HTRA3: variants seen among roughly 807,000 people sequenced by gnomAD.
The protein encoded by HTRA3 is serine protease HTRA3.
HTRA3 carries 41 observed loss-of-function variants against 43.2 expected under a neutral mutation model. That is an observed-to-expected ratio of 0.95 (90% CI 0.74 to 1.23). HTRA3 has a LOEUF of 1.23. Among genes scored for constraint, HTRA3 ranks in the 50% most tolerant of loss-of-function variants. The probability of loss-of-function intolerance (pLI) is 0.00; values close to 1 mark genes in which losing one functional copy is unlikely to be tolerated. For synonymous variants in HTRA3, 295 were observed against 287.9 expected (o/e 1.02, Z -0.25); for missense variants, 628 against 647.1 (o/e 0.97, Z 0.32).
chr4:8,300,046 G>A (rs913227474), intron 6 of HTRA3, among the ~76,000 whole-genome samples: 2 of 152,116 alleles, frequency 1.3e-5, no homozygotes, highest in South Asian at 2.1e-4. Flanking sequence ...CACCATGTTG[G>A]CCAGGCTGGT....
chr4:8,302,571 C>G (rs376527577), intron 7 of HTRA3, 60 bp downstream of exon 7: 15 of 1,537,254 alleles, frequency 9.8e-6, no homozygotes, highest in Non-Finnish European at 1.4e-5. Context: ...CACCCTGACC[C>G]TCCCTCCAGA....
At chr4:8,289,481 C>A (rs1713139634) in intron 3 of HTRA3, among the ~76,000 whole-genome samples, 1 of 152,218 alleles carries the variant, frequency 6.6e-6, no homozygotes, top group South Asian at 2.1e-4. Context: ...GAGAGCGAGA[C>A]TAGGGGCAGG....
At chr4:8,292,466 C>T (rs1218652513) in intron 5 of HTRA3, 113 bp downstream of exon 5, 1 of 924,488 alleles carries the variant, frequency 1.1e-6, no homozygotes, top group Non-Finnish European at 1.7e-6. Flanking sequence ...ACATTTACAC[C>T]AACAGTCGGG....
At position 8,275,374 on chromosome 4, in the gene HTRA3, T is replaced by G. The variant is rs540572480; in HGVS notation, c.385+5021T>G. Among the ~76,000 whole-genome samples the G allele has an allele frequency of 7.2e-5, 11 of 152,302 alleles. No individual in the cohort carries two copies. In the South Asian group the frequency reaches 2.3e-3, roughly 32 times the overall value. On this transcript the variant is annotated intron_variant, in intron 1 of 8. Transcript: ENST00000307358. ...GCCATGGCTCCCACGGCCTCAGGACTAAGCATAGCCTCCTGGCAGGCTCGC... is the reference window on the plus strand; with the variant it reads ...GCCATGGCTCCCACGGCCTCAGGACGAAGCATAGCCTCCTGGCAGGCTCGC...
In HTRA3 at chr4:8,295,035, C is replaced by T. The variant is rs1467514960; in HGVS notation, c.1051+834C>T. Among the ~76,000 whole-genome samples the T allele has an allele frequency of 6.6e-6, 1 of 151,942 alleles. No homozygotes were observed. ...CCACTCATCCACCCACCTATCCACC[C>T]ATTCACCCACCTGGCCACCATTTCT... On this transcript the variant is annotated intron_variant, in intron 6 of 8. Transcript: ENST00000307358. This position sits in a 1 kb window ranked among gnomAD's most constrained non-coding sequence, Gnocchi z 6.9.
At chr4:8,274,508 G>A (rs1006943297) in intron 1 of HTRA3, among the ~76,000 whole-genome samples, 8 of 152,236 alleles carry the variant, frequency 5.3e-5, no homozygotes, top group Non-Finnish European at 8.8e-5. Flanking sequence ...TAGATGACAC[G>A]AAATGAGACG....
intron 6 of HTRA3, among the ~76,000 whole-genome samples, chr4:8,300,570 A>T (rs549582879): frequency 6.6e-6 from 1 of 152,336 alleles, no homozygotes; most frequent in African/African-American, 2.4e-5. Context: ...TAGAATCTGT[A>T]GTGATGTCAC....
In HTRA3 at chr4:8,292,196, C is replaced by T. The variant is rs1455752590; in HGVS notation, c.904-125C>T. On this transcript the variant is annotated intron_variant, in intron 4 of 8. Coordinates refer to ENST00000307358, the MANE Select transcript of HTRA3 (RefSeq NM_053044.5). ...AAATGGGGGCAGCACTGAGGCCTTT[C>T]GATGCTGCTGAGGATGAGACCTGCT... 9.0e-6 allele frequency: 7 copies of T among 780,618 alleles called. No individual in the cohort carries two copies. The East Asian group carries it at 1.0e-4, about 11-fold the overall frequency. The allele number at this position is 780,618 out of a possible 1,614,324, so 48.4% of individuals were successfully genotyped here.
chr4:8,289,456 C>T lies in HTRA3; in HGVS notation c.709-1914C>T, dbSNP rs1455019403. 2.0e-5 allele frequency among the ~76,000 whole-genome samples: 3 copies of T among 152,212 alleles called. No individual in the cohort carries two copies. In the East Asian group the frequency reaches 5.8e-4, roughly 29 times the overall value. ...CCAGTTTGCAACCCCCGCTCGAGGA[C>T]CCCTGTGGGAAGAGGAGAGCGAGAC... On this transcript the variant is annotated intron_variant, in intron 3 of 8. Transcript: ENST00000307358.
At chr4:8,280,259 G>T (rs944648186) in intron 1 of HTRA3, among the ~76,000 whole-genome samples, 1 of 152,180 alleles carries the variant, frequency 6.6e-6, no homozygotes, top group African/African-American at 2.4e-5. Context: ...CCAGCCTCAG[G>T]CCCCAGGGCA....
intron 6 of HTRA3, among the ~76,000 whole-genome samples, chr4:8,299,280 C>T (rs969722098): frequency 1.3e-5 from 2 of 152,026 alleles, no homozygotes; most frequent in African/African-American, 2.4e-5. Context: ...ATTTCAGTTT[C>T]TGCTGGTTGG....
chr4:8,282,095 C>T (rs563081119), intron 1 of HTRA3, among the ~76,000 whole-genome samples: 51 of 152,230 alleles, frequency 3.4e-4, no homozygotes, highest in Non-Finnish European at 6.2e-4. Context: ...ACCCGAGATC[C>T]AGCCCTGGCC....
At position 8,292,352 on chromosome 4, in the gene HTRA3, TG is replaced by T. The variant is rs1337581067; in HGVS notation, c.936+1del. 5.0e-6 allele frequency: 8 copies of T among 1,612,842 alleles called. No homozygotes were observed. Among genetic ancestry groups the T allele is most frequent in the Non-Finnish European group, 6.8e-6 (8 of 1,179,384 alleles). On this transcript the variant is annotated frameshift_variant and splice_region_variant, in exon 5 of 9. Coordinates refer to ENST00000307358, the MANE Select transcript of HTRA3 (RefSeq NM_053044.5). LOFTEE classifies it high-confidence loss of function. The part of the protein sequence containing the change: ...YGNSGGPLVN[L>X]DGEVIGINTL... ...AACTCCGGGGGACCACTGGTGAACCTGGTAAGTGTCCCCTAGAGCCAAAATC... is the reference window on the plus strand; with the variant it reads ...AACTCCGGGGGACCACTGGTGAACCTGTAAGTGTCCCCTAGAGCCAAAATC...
chr4:8,292,247 C>T (rs4235258), intron 4 of HTRA3, 74 bp from the exon 5 acceptor site: 770,131 of 1,323,084 alleles, frequency 0.58, 230,989 homozygotes, highest in African/African-American at 0.87. Flanking sequence ...TGGTTAGAGG[C>T]AGATCTGGAG....
intron 3 of HTRA3, among the ~76,000 whole-genome samples, chr4:8,290,321 T>C (rs1560139490): frequency 6.6e-6 from 1 of 152,172 alleles, no homozygotes; most frequent in Admixed American, 6.5e-5. Context: ...TTTGACATGA[T>C]GGTGTATAAT....
At chr4:8,272,156 G>T (rs1712307092) in intron 1 of HTRA3, among the ~76,000 whole-genome samples, 1 of 152,200 alleles carries the variant, frequency 6.6e-6, no homozygotes, top group Non-Finnish European at 1.5e-5. Context: ...CTCAGGGCTG[G>T]CAGGGAGCTG....
chr4:8,291,203 C>T (rs1195829138), intron 3 of HTRA3, among the ~76,000 whole-genome samples, 167 bp from the exon 4 acceptor site: 1 of 152,206 alleles, frequency 6.6e-6, no homozygotes, highest in African/African-American at 2.4e-5. Flanking sequence ...CAGGACTGCC[C>T]TGGTCTTGGT....
chr4:8,296,028 A>G lies in HTRA3; in HGVS notation c.1051+1827A>G. The G allele has an allele frequency of 8.6e-7, 1 of 1,158,070 alleles. No individual in the cohort carries two copies. 71.7% of individuals were successfully genotyped at this position (1,158,070 alleles called of 1,614,324 possible). A position where few individuals can be genotyped will look rare whatever the true frequency, so the allele number is the denominator to read the frequency against. ...GGGGTGCACCCAGACCTGTCCTAGC[A>G]TGCTCCTTTCCCTAATGACCGAGTC... On this transcript the variant is annotated intron_variant, in intron 6 of 8. Transcript: ENST00000307358. The surrounding 1 kb of genome is among the most constrained non-coding windows in gnomAD (Gnocchi z 5.3).
rs551290126 is a variant in HTRA3 at position 8,285,695 on chromosome 4, C to T, written c.486-866C>T. Among the ~76,000 whole-genome samples the T allele has an allele frequency of 8.0e-4, 122 of 152,342 alleles. 1 individual carries two copies. The highest frequency in any genetic ancestry group is 2.8e-3 in the African/African-American group (117 of 41,580). Reference sequence around the variant, plus strand: ...GGGGCTGTGGTTTCTACTCAGAGAGCTCTGGTGAGAACTGGGGATTGTTGC... The same window carrying T: ...GGGGCTGTGGTTTCTACTCAGAGAGTTCTGGTGAGAACTGGGGATTGTTGC... On this transcript the variant is annotated intron_variant, in intron 2 of 8. Transcript: ENST00000307358.
Sources: gnomAD v4.1 joint callset for allele counts (sites outside exome capture counted in the v4.1 genomes callset) on GRCh38, gnomAD v4.1.1 for gene constraint, Gnocchi (gnomAD v3.1) non-coding constraint, MANE v1.5 for transcripts, NCBI Gene and HGNC (gene_info 2026-07-23, HGNC 2026-07-21) for gene names.